IGF1R: variants seen among roughly 807,000 people sequenced by gnomAD.
IGF1R encodes the protein insulin-like growth factor 1 receptor.
IGF1R carries 44 observed loss-of-function variants against 144.6 expected under a neutral mutation model. That is an observed-to-expected ratio of 0.30 (90% CI 0.24 to 0.39). The LOEUF is 0.39. Ranked by LOEUF, IGF1R falls within the 10% of genes least tolerant of loss-of-function variation. IGF1R has a pLI of 1.00. For synonymous variants in IGF1R, 795 were observed against 722.8 expected (o/e 1.10, Z -1.60); for missense variants, 1,355 against 1,833.7 (o/e 0.74, Z 4.77).
chr15:98,683,255 G>T (rs1345048193), intron 1 of IGF1R, among the ~76,000 whole-genome samples: 1 of 152,130 alleles, frequency 6.6e-6, no homozygotes, highest in East Asian at 1.9e-4. Context: ...AGCAGATACA[G>T]CGCCTTTTCA....
At chr15:98,895,665 T>C (rs2014158355) in intron 3 of IGF1R, among the ~76,000 whole-genome samples, 1 of 152,232 alleles carries the variant, frequency 6.6e-6, no homozygotes, top group African/African-American at 2.4e-5. Flanking sequence ...ACCTGTTAGC[T>C]TTTAAACAAA....
At chr15:98,653,580 TG>T (rs2052419479) in intron 1 of IGF1R, among the ~76,000 whole-genome samples, 1 of 152,246 alleles carries the variant, frequency 6.6e-6, no homozygotes, top group African/African-American at 2.4e-5. Flanking sequence ...AAGTATACAG[TG>T]ATTTTTATAA....
intron 2 of IGF1R, among the ~76,000 whole-genome samples, chr15:98,877,587 GACTTTCACAAGTGATTGTGCAA>G (rs2013127563): frequency 7.2e-6 from 1 of 139,188 alleles, no homozygotes; most frequent in Non-Finnish European, 1.5e-5. Flanking sequence ...TTTAAAAAGA[GACTTTCACAAGTGATTGTGCAA>G]AATTGTGAGG....
At chr15:98,717,963 A>ACGTGTG (rs2054160207) in intron 2 of IGF1R, among the ~76,000 whole-genome samples, 1 of 152,132 alleles carries the variant, frequency 6.6e-6, no homozygotes, top group Non-Finnish European at 1.5e-5. Context: ...GCACACGTGC[A>ACGTGTG]CGTGTGCGTG....
intron 2 of IGF1R, among the ~76,000 whole-genome samples, chr15:98,717,735 A>G (rs1171734064): frequency 1.3e-5 from 2 of 152,236 alleles, no homozygotes; most frequent in Non-Finnish European, 2.9e-5. Flanking sequence ...CTTGTATGAT[A>G]CTGACATTAA....
chr15:98,756,993 AT>A (rs1398504523), intron 2 of IGF1R, among the ~76,000 whole-genome samples: 2 of 152,200 alleles, frequency 1.3e-5, no homozygotes, highest in African/African-American at 4.8e-5. Flanking sequence ...ATCCAAGTAC[AT>A]GATTAAGTTT....
At chr15:98,651,700 G>C (rs1007850357) in intron 1 of IGF1R, among the ~76,000 whole-genome samples, 2 of 152,194 alleles carry the variant, frequency 1.3e-5, no homozygotes, top group Non-Finnish European at 2.9e-5. Context: ...GAGAACACAG[G>C]CAGGAGGGAG....
intron 1 of IGF1R, among the ~76,000 whole-genome samples, chr15:98,699,986 G>A (rs935561795): frequency 3.9e-5 from 6 of 152,184 alleles, no homozygotes; most frequent in African/African-American, 1.2e-4. Flanking sequence ...TATATACAAC[G>A]TAAACATGTT....
chr15:98,871,620 C>G (rs1178836883), intron 2 of IGF1R, among the ~76,000 whole-genome samples: 1 of 152,198 alleles, frequency 6.6e-6, no homozygotes, highest in Non-Finnish European at 1.5e-5. Context: ...GGAGAGGCCT[C>G]AAAATCATGG....
chr15:98,751,072 T>G (rs1388307191), intron 2 of IGF1R, among the ~76,000 whole-genome samples: 2 of 152,210 alleles, frequency 1.3e-5, no homozygotes, highest in East Asian at 3.9e-4. Context: ...ATTACAGGCG[T>G]GAGCCATCAT....
At chr15:98,689,798 G>A (rs1278649364) in intron 1 of IGF1R, among the ~76,000 whole-genome samples, 1 of 152,136 alleles carries the variant, frequency 6.6e-6, no homozygotes, top group Non-Finnish European at 1.5e-5. Flanking sequence ...GTCCGATGGA[G>A]AGATACCAGC....
chr15:98,689,551 A>G (rs762195436), intron 1 of IGF1R, among the ~76,000 whole-genome samples: 35 of 151,444 alleles, frequency 2.3e-4, no homozygotes, highest in Non-Finnish European at 3.4e-4. Context: ...TTTTTTTTAG[A>G]TGCCATTGTT....
chr15:98,900,762 A>G (rs2014441481), intron 5 of IGF1R: 1 of 152,090 alleles, frequency 6.6e-6, no homozygotes, highest in Admixed American at 6.5e-5. Flanking sequence ...TACCAGTTTA[A>G]GGTGATGATT....
At chr15:98,829,793 C>T (rs976971927) in intron 2 of IGF1R, among the ~76,000 whole-genome samples, 37 of 152,276 alleles carry the variant, frequency 2.4e-4, no homozygotes, top group African/African-American at 8.7e-4. Context: ...ATGCCAGAGA[C>T]CAGGTCATCT....
At chr15:98,803,006 G>GT (rs1166465453) in intron 2 of IGF1R, among the ~76,000 whole-genome samples, 3 of 152,064 alleles carry the variant, frequency 2.0e-5, no homozygotes, top group African/African-American at 7.2e-5. Flanking sequence ...GTTTCCTGCT[G>GT]TTTTTTTAAA....
intron 2 of IGF1R, among the ~76,000 whole-genome samples, chr15:98,870,600 A>G (rs2141604844): frequency 6.6e-6 from 1 of 152,270 alleles, no homozygotes; most frequent in South Asian, 2.1e-4. Context: ...GAGAGAAAAG[A>G]TGTGCATGTG....
intron 2 of IGF1R, among the ~76,000 whole-genome samples, chr15:98,828,584 CCT>C (rs776138722): frequency 2.6e-5 from 4 of 152,026 alleles, no homozygotes; most frequent in Non-Finnish European, 4.4e-5. Context: ...TTTCAAAACC[CCT>C]CTCATCACGT....
chr15:98,778,789 G>C lies in IGF1R; in HGVS notation c.640+70682G>C, dbSNP rs141787388. The stretch of plus-strand genomic sequence containing the variant: ...TAGTGGCCTTGAAGTGAGAGTGGGT[G>C]GATCACACATGGCAGATCTCTGGCA... On this transcript the variant is annotated intron_variant, in intron 2 of 20. Transcript: ENST00000650285. 2.0e-5 allele frequency among the ~76,000 whole-genome samples: 3 copies of C among 152,284 alleles called. No homozygotes were observed. The East Asian group carries it at 5.8e-4, about 29-fold the overall frequency.
In IGF1R at chr15:98,926,179, A is replaced by T. The variant is rs149773294; in HGVS notation, c.2782+1495A>T. Among the ~76,000 whole-genome samples the T allele has an allele frequency of 3.0e-3, 459 of 152,316 alleles. 1 individual carries two copies. Among genetic ancestry groups the T allele is most frequent in the African/African-American group, 0.01 (421 of 41,562 alleles). Reference sequence around the variant, plus strand: ...AATGTCGTTTGTGGCAACCTGGATGAACCTGGAGGACATGATGTTAAGTTA... The same window carrying T: ...AATGTCGTTTGTGGCAACCTGGATGTACCTGGAGGACATGATGTTAAGTTA... On this transcript the variant is annotated intron_variant, in intron 13 of 20. Transcript: ENST00000650285.
Sources: gnomAD v4.1 joint callset for allele counts (sites outside exome capture counted in the v4.1 genomes callset) on GRCh38, gnomAD v4.1.1 for gene constraint, MANE v1.5 for transcripts, NCBI Gene and HGNC (gene_info 2026-07-23, HGNC 2026-07-21) for gene names.